The following BAHCC1 variants were observed in gnomAD, a reference collection of about 807,000 sequenced individuals.
BAHCC1 encodes BAH and coiled-coil domain-containing protein 1.
In BAHCC1, 43 loss-of-function variants were observed where a neutral mutation model predicts 88.2. The observed-to-expected ratio is 0.49, with a 90% CI of 0.38 to 0.63. The LOEUF (loss-of-function observed/expected upper bound fraction) is 0.63, where lower values mean the gene tolerates loss of function less well. Among genes scored for constraint, BAHCC1 ranks in the 20% least tolerant of loss-of-function variants. BAHCC1 has a pLI of 0.00. For synonymous variants in BAHCC1, 1,510 were observed against 745.5 expected, an observed-to-expected ratio of 2.03 and a Z score of -16.71; for missense variants, 3,023 against 1,654.8, an observed-to-expected ratio of 1.83 and a Z score of -14.34.
intron 2 of BAHCC1, among the ~76,000 whole-genome samples, chr17:81,421,750 C>T (rs538170256): frequency 6.6e-6 from 1 of 152,232 alleles, no homozygotes; most frequent in Admixed American, 6.5e-5. Context: ...GCCTGCTGAG[C>T]AGCCAGTGAG....
intron 2 of BAHCC1, among the ~76,000 whole-genome samples, chr17:81,408,694 C>G (rs1440676107): frequency 6.6e-6 from 1 of 152,198 alleles, no homozygotes; most frequent in Non-Finnish European, 1.5e-5. Flanking sequence ...CCCTTCTTGT[C>G]CCCTTCTATG....
intron 2 of BAHCC1, among the ~76,000 whole-genome samples, chr17:81,405,795 C>T (rs2063871183): frequency 6.6e-6 from 1 of 152,234 alleles, no homozygotes; most frequent in Admixed American, 6.5e-5. Context: ...ACAAATGGGA[C>T]CTGTCCTCTG....
intron 4 of BAHCC1, among the ~76,000 whole-genome samples, chr17:81,439,767 C>T (rs1442796233): frequency 2.6e-5 from 4 of 152,086 alleles, no homozygotes; most frequent in African/African-American, 7.2e-5. Context: ...GGACTAGACA[C>T]CCTGAAGGGA....
chr17:81,447,619 C>A lies in BAHCC1; in HGVS notation c.3747C>A (p.Asp1249Glu). 2.7e-6 allele frequency: 2 copies of A among 744,772 alleles called. No individual in the cohort carries two copies. The highest frequency in any genetic ancestry group is 1.4e-5 in the South Asian group (1 of 69,688). 46.1% of individuals were successfully genotyped at this position (744,772 alleles called of 1,614,324 possible). A position where few individuals can be genotyped will look rare whatever the true frequency, so the allele number is the denominator to read the frequency against. ...AGGAGGACTGTGGCGGAGCTCCCGA[C>A]AACAGCCACCCACCCAGGGCGCTAC... ...DSEEDCGGAP[D>E]NSHPPRALPG... Residue 1249 changes from aspartate (D) to glutamate (E), a missense_variant, in exon 11 of 28, where the codon GAC becomes GAA. Asp to Glu is a conservative substitution (Grantham distance 45). Transcript: ENST00000675386.
At chr17:81,417,644 T>C (rs1023939566) in intron 2 of BAHCC1, among the ~76,000 whole-genome samples, 2 of 151,612 alleles carry the variant, frequency 1.3e-5, no homozygotes, top group Non-Finnish European at 2.9e-5. Flanking sequence ...TTATTAGTTC[T>C]GGGCTGTCGG....
In BAHCC1 at chr17:81,447,316, C is replaced by A; in HGVS notation, c.3444C>A (p.Pro1148=). 1 of 743,740 alleles carries A rather than the reference C, an allele frequency of 1.3e-6. No homozygotes were observed. Among genetic ancestry groups the A allele is most frequent in the Non-Finnish European group, 2.5e-6 (1 of 401,692 alleles). The allele number at this position is 743,740 out of a possible 1,614,324, so 46.1% of individuals were successfully genotyped here. ...ERGPQGKAAD[P]SPLEGLQELQ... ...GACCCCAGGGGAAGGCAGCGGACCC[C>A]AGCCCACTAGAGGGGCTACAAGAAC... is the stretch of plus-strand genomic sequence containing the variant. Residue 1148 remains proline (P), a synonymous_variant, in exon 11 of 28, where the codon CCC becomes CCA. Coordinates refer to ENST00000675386, the MANE Select transcript of BAHCC1 (RefSeq NM_001377448.1).
intron 14 of BAHCC1, among the ~76,000 whole-genome samples, chr17:81,453,502 G>T (rs117690860): frequency 6.6e-6 from 1 of 152,222 alleles, no homozygotes; most frequent in Non-Finnish European, 1.5e-5. Flanking sequence ...TAATCTCAGG[G>T]CTTCATGTCA....
At position 81,447,110 on chromosome 17, in the gene BAHCC1, C is replaced by T. The variant is rs1555654622; in HGVS notation, c.3238C>T (p.Leu1080Phe). ...ACCCTCAGACGTGCACTCTTCTAAC[C>T]TCGAGGACCCTGAAACTATGCAAAC... Reference protein sequence around the residue: ...SLPSDVHSSNLEDPETMQTTA... With the variant: ...SLPSDVHSSNFEDPETMQTTA... Residue 1080 changes from leucine (L) to phenylalanine (F), a missense_variant, in exon 11 of 28, where the codon CTC (leucine) becomes TTC (phenylalanine). By Grantham distance (22) the Leu-to-Phe change is conservative. Coordinates refer to ENST00000675386, the MANE Select transcript of BAHCC1 (RefSeq NM_001377448.1). 1 of 779,398 alleles carries T rather than the reference C, an allele frequency of 1.3e-6. No homozygotes were observed. Among genetic ancestry groups the T allele is most frequent in the Non-Finnish European group, 2.4e-6 (1 of 417,930 alleles). 48.3% of individuals were successfully genotyped at this position (779,398 alleles called of 1,614,324 possible). A position where few individuals can be genotyped will look rare whatever the true frequency, so the allele number is the denominator to read the frequency against.
intron 3 of BAHCC1, among the ~76,000 whole-genome samples, chr17:81,437,714 C>T (rs990029709): frequency 3.9e-5 from 6 of 152,180 alleles, no homozygotes; most frequent in African/African-American, 1.4e-4. Flanking sequence ...AAGAGAGGGG[C>T]CTGTCTGGCA....
At chr17:81,404,425 G>A (rs782551312) in intron 2 of BAHCC1, among the ~76,000 whole-genome samples, 21 of 152,184 alleles carry the variant, frequency 1.4e-4, no homozygotes, top group Non-Finnish European at 7.4e-5. Flanking sequence ...ACTTCTTGGC[G>A]ATTAGTGGTC....
intron 2 of BAHCC1, among the ~76,000 whole-genome samples, chr17:81,421,653 C>G (rs971305580): frequency 1.1e-4 from 17 of 152,228 alleles, no homozygotes; most frequent in Non-Finnish European, 8.8e-5. Flanking sequence ...TGAGAGCCCC[C>G]AGCCGTGTGC....
chr17:81,424,290 G>T (rs1469417793), intron 2 of BAHCC1, among the ~76,000 whole-genome samples: 1 of 152,212 alleles, frequency 6.6e-6, no homozygotes, highest in Non-Finnish European at 1.5e-5. Flanking sequence ...AGCTGACACA[G>T]GGCCTATGGC....
intron 4 of BAHCC1, among the ~76,000 whole-genome samples, chr17:81,441,342 A>G (rs1240563370): frequency 1.3e-5 from 2 of 152,222 alleles, no homozygotes; most frequent in African/African-American, 2.4e-5. Context: ...TATGTTACCC[A>G]TATTTCACTA....
Position 81,452,071 on chromosome 17 carries a change from G to A in BAHCC1, c.4280G>A (p.Arg1427Gln). Residue 1427 changes from arginine to glutamine, a missense_variant, in exon 13 of 28, where the codon CGG becomes CAG. Physicochemically the swap from Arg to Gln is conservative, Grantham distance 43. Transcript: ENST00000675386. ...CAGCGGCGCTACAAGGAGAAGCAGCGGGAGCTGGCCCGCCTGCAGCGCAAG... is the reference window on the plus strand; with the variant it reads ...CAGCGGCGCTACAAGGAGAAGCAGCAGGAGCTGGCCCGCCTGCAGCGCAAG... ...ELQRRYKEKQ[R>Q]ELARLQRKHD... 3 of 631,754 alleles carry A rather than the reference G, an allele frequency of 4.7e-6. No individual in the cohort carries two copies. Among genetic ancestry groups the A allele is most frequent in the South Asian group, 1.9e-5 (1 of 53,436 alleles). The allele number at this position is 631,754 out of a possible 1,614,324, so 39.1% of individuals were successfully genotyped here. A position where few individuals can be genotyped will look rare whatever the true frequency, so the allele number is the denominator to read the frequency against.
rs1555658168 is a variant in BAHCC1, at chr17:81,458,607, C to T, written c.5344-14C>T. The T allele has an allele frequency of 7.0e-6, 5 of 714,350 alleles. No individual in the cohort carries two copies. Among genetic ancestry groups the T allele is most frequent in the Middle Eastern group, 2.7e-4 (1 of 3,640 alleles). The allele number at this position is 714,350 out of a possible 1,614,324, so 44.3% of individuals were successfully genotyped here. On this transcript the variant is annotated splice_polypyrimidine_tract_variant and intron_variant, in intron 18 of 27. Transcript: ENST00000675386. ...ACCCTTGACTCAGCCCCTTCTCTGC[C>T]TGCCCACGCGCAGCGGAAGAACGGG... is the stretch of plus-strand genomic sequence containing the variant.
intron 2 of BAHCC1, among the ~76,000 whole-genome samples, chr17:81,419,582 C>T (rs962565001): frequency 2.6e-5 from 4 of 151,082 alleles, no homozygotes; most frequent in African/African-American, 7.3e-5. Context: ...AGGTGTGGAG[C>T]GGAAGCCAGT....
intron 2 of BAHCC1, among the ~76,000 whole-genome samples, chr17:81,419,788 C>T (rs1391137513): frequency 1.3e-4 from 13 of 102,304 alleles, no homozygotes; most frequent in African/African-American, 3.4e-4. Context: ...CTCAACGAGG[C>T]GTTTTTTTTT....
At chr17:81,460,228 G>A (rs1442919079) in intron 23 of BAHCC1, 49 bp from the exon 24 acceptor site, 6 of 716,092 alleles carry the variant, frequency 8.4e-6, no homozygotes, top group Non-Finnish European at 1.0e-5. Context: ...TCCCTGTTTC[G>A]GGCGCCTACT....
In BAHCC1 at chr17:81,399,846, C is replaced by T. The variant is rs781891495; in HGVS notation, c.107C>T (p.Ala36Val). 1.1e-4 allele frequency: 150 copies of T among 1,372,546 alleles called. 1 individual carries two copies. The highest frequency in any genetic ancestry group is 2.1e-5 in the Non-Finnish European group (22 of 1,061,306). The allele number at this position is 1,372,546 out of a possible 1,614,324, so 85.0% of individuals were successfully genotyped here. Residue 36 changes from alanine (A) to valine (V), a missense_variant, in exon 2 of 28, where the codon GCC (alanine) becomes GTC (valine). Physicochemically the swap from Ala to Val is moderately conservative, Grantham distance 64 (BLOSUM62 0). Transcript: ENST00000675386. This position sits in a 1 kb window ranked among gnomAD's most constrained non-coding sequence, Gnocchi z 4.5. ...GCGCGTCTCGCCCCGGCTGGGCCCG[C>T]CGCGCAGCCCCCCGCACACTTCCAG... is the stretch of plus-strand genomic sequence containing the variant. ...AAARLAPAGP[A>V]AQPPAHFQPG...
Sources: gnomAD v4.1 joint callset for allele counts (sites outside exome capture counted in the v4.1 genomes callset) on GRCh38, gnomAD v4.1.1 for gene constraint, Gnocchi (gnomAD v3.1) non-coding constraint, MANE v1.5 for transcripts, NCBI Gene and HGNC (gene_info 2026-07-23, HGNC 2026-07-21) for gene names.